SV2C: variants seen among roughly 807,000 people sequenced by gnomAD.
SV2C encodes solute carrier family 22 member B3.
SV2C carries 49 observed loss-of-function variants against 79.7 expected under a neutral mutation model. The ratio of observed to expected loss-of-function variants is 0.61; its 90% CI spans 0.49 to 0.78. The LOEUF is 0.78. Ranked by LOEUF, SV2C falls within the 30% of genes least tolerant of loss-of-function variation. The pLI is 0.00. For synonymous variants in SV2C, 334 were observed against 333.2 expected (o/e 1.00, Z -0.03); for missense variants, 833 against 912.9 (o/e 0.91, Z 1.13).
At chr5:76,335,269 CCTT>C (rs751269600), downstream of SV2C, among the ~76,000 whole-genome samples, 2 of 152,184 alleles carry the variant, frequency 1.3e-5, no homozygotes, top group South Asian at 2.1e-4. Flanking sequence ...GCTAGATCCT[CCTT>C]CTTTGCTGTA....
intron 1 of SV2C, among the ~76,000 whole-genome samples, chr5:76,127,124 C>T (rs1305165655): frequency 1.3e-5 from 2 of 152,088 alleles, no homozygotes; most frequent in Non-Finnish European, 2.9e-5. Flanking sequence ...TTGGGGGAGG[C>T]GGAGCTATCC....
the SV2C span, among the ~76,000 whole-genome samples, chr5:76,029,983 C>T: frequency 1.3e-5 from 2 of 152,036 alleles, no homozygotes; most frequent in East Asian, 1.9e-4. Context: ...TGGAGCCTTT[C>T]GATTTCAGAG....
chr5:76,332,919 T>C lies in SV2C; in HGVS notation c.*7372T>C, dbSNP rs1749227898. 6.6e-6 allele frequency: 1 copy of C among 152,202 alleles called. No individual in the cohort carries two copies. Among genetic ancestry groups the C allele is most frequent in the Non-Finnish European group, 1.5e-5 (1 of 68,042 alleles). 9.4% of individuals were successfully genotyped at this position (152,202 alleles called of 1,614,324 possible). A position where few individuals can be genotyped will look rare whatever the true frequency, so the allele number is the denominator to read the frequency against. On this transcript the variant is annotated 3_prime_UTR_variant, in exon 13 of 13. Coordinates refer to ENST00000502798, the MANE Select transcript of SV2C (RefSeq NM_014979.4). ...AAGGAAGGGGAAAGACTTAGCAAGCTCAACCTCATGTGATTCACAAAGGGT... is the reference window on the plus strand; with the variant it reads ...AAGGAAGGGGAAAGACTTAGCAAGCCCAACCTCATGTGATTCACAAAGGGT...
chr5:76,290,364 G>A (rs998009761), intron 6 of SV2C, among the ~76,000 whole-genome samples: 4 of 152,118 alleles, frequency 2.6e-5, no homozygotes, highest in Non-Finnish European at 5.9e-5. Context: ...CAGGATGTCC[G>A]GAAAAACCTG....
At chr5:75,866,702 G>C in the SV2C span, among the ~76,000 whole-genome samples, 1 of 152,206 alleles carries the variant, frequency 6.6e-6, no homozygotes. Flanking sequence ...AACTTTGAGA[G>C]AGAAAAGATT....
chr5:76,043,119 C>A, the SV2C span, among the ~76,000 whole-genome samples: 12 of 152,158 alleles, frequency 7.9e-5, no homozygotes, highest in Non-Finnish European at 1.6e-4. Context: ...CACGCAATAA[C>A]GAAGTTTACA....
intron 4 of SV2C, among the ~76,000 whole-genome samples, chr5:76,278,122 T>G (rs1178514517): frequency 6.6e-6 from 1 of 152,204 alleles, no homozygotes; most frequent in Non-Finnish European, 1.5e-5. Flanking sequence ...AAAATCTGGG[T>G]CTGTGGTCCT....
intron 3 of SV2C, among the ~76,000 whole-genome samples, chr5:76,206,075 C>CA (rs200377838): frequency 0.05 from 7,552 of 151,688 alleles, 644 homozygotes; most frequent in African/African-American, 0.17. Flanking sequence ...AATAAACAAA[C>CA]AAAAAACAAC....
At chr5:76,030,289 T>TATTTATTTATTTATTCCTATTTA in the SV2C span, among the ~76,000 whole-genome samples, 1 of 117,874 alleles carries the variant, frequency 8.5e-6, no homozygotes, top group African/African-American at 3.9e-5. Flanking sequence ...TTTTTTTTTT[T>TATTTATTTATTTATTCCTATTTA]TTTATTTATT....
chr5:75,866,446 C>A, the SV2C span, among the ~76,000 whole-genome samples: 1 of 152,320 alleles, frequency 6.6e-6, no homozygotes, highest in South Asian at 2.1e-4. Context: ...TGGAGCACAA[C>A]TATCCCCTAT....
the SV2C span, among the ~76,000 whole-genome samples, chr5:75,994,877 G>GTTCAAA: frequency 6.6e-6 from 1 of 152,138 alleles, no homozygotes; most frequent in Non-Finnish European, 1.5e-5. Context: ...CTGAGAACGA[G>GTTCAAA]GGGGCCATTG....
At chr5:75,920,709 T>C in the SV2C span, 20 of 755,696 alleles carry the variant, frequency 2.6e-5, no homozygotes, top group South Asian at 2.6e-4. Flanking sequence ...ACTGCCGGTG[T>C]GGAACCACTC....
At chr5:75,861,031 G>A in the SV2C span, among the ~76,000 whole-genome samples, 4 of 152,132 alleles carry the variant, frequency 2.6e-5, no homozygotes. Context: ...CCTTTGCAAA[G>A]AGCAGACAAC....
chr5:75,916,401 C>T, the SV2C span, among the ~76,000 whole-genome samples: 3 of 143,170 alleles, frequency 2.1e-5, no homozygotes, highest in South Asian at 4.7e-4. Flanking sequence ...CTTCCCCTTC[C>T]TCCTCCTCCT....
the SV2C span, among the ~76,000 whole-genome samples, chr5:75,862,180 C>G: frequency 4.6e-5 from 7 of 152,268 alleles, 1 homozygote; most frequent in South Asian, 1.2e-3. Context: ...TTTGAGACTC[C>G]TTCCTCTGAC....
At chr5:76,233,959 T>A (rs985206912) in intron 4 of SV2C, among the ~76,000 whole-genome samples, 4 of 151,478 alleles carry the variant, frequency 2.6e-5, no homozygotes, top group African/African-American at 9.8e-5. Context: ...TCTTGGGAAG[T>A]TTTTTATTGA....
chr5:76,316,804 C>G (rs1408868519), intron 12 of SV2C, among the ~76,000 whole-genome samples: 4 of 152,132 alleles, frequency 2.6e-5, no homozygotes, highest in Non-Finnish European at 4.4e-5. Context: ...TCCAGCCCCC[C>G]TGAGAAGCTT....
rs1414158146 is a variant in SV2C, at chr5:76,134,979, G to A, written c.580+2649G>A. Among the ~76,000 whole-genome samples the A allele has an allele frequency of 2.0e-5, 3 of 152,286 alleles. No homozygotes were observed. The East Asian group carries it at 5.8e-4, about 29-fold the overall frequency. On this transcript the variant is annotated intron_variant, in intron 2 of 12. Coordinates refer to ENST00000502798, the MANE Select transcript of SV2C (RefSeq NM_014979.4). ...GAAATCACAAATGAGTAGATTACCAGTCTAGATACCAAGTGTCAGTAGCCA... is the reference window on the plus strand; with the variant it reads ...GAAATCACAAATGAGTAGATTACCAATCTAGATACCAAGTGTCAGTAGCCA...
chr5:76,055,815 T>C, the SV2C span, among the ~76,000 whole-genome samples: 1 of 152,136 alleles, frequency 6.6e-6, no homozygotes, highest in Admixed American at 6.5e-5. Context: ...TGTTGGTGAA[T>C]AGGAATGCTT....
Sources: gnomAD v4.1 joint callset for allele counts (sites outside exome capture counted in the v4.1 genomes callset) on GRCh38, gnomAD v4.1.1 for gene constraint, MANE v1.5 for transcripts, NCBI Gene and HGNC (gene_info 2026-07-23, HGNC 2026-07-21) for gene names.